CEP41: variants seen among roughly 807,000 people sequenced by gnomAD.
The protein encoded by CEP41 is centrosomal protein of 41 kDa.
Under a neutral mutation model 44.3 loss-of-function variants are expected in CEP41, and 32 were observed. The ratio of observed to expected loss-of-function variants is 0.72; its 90% CI spans 0.54 to 0.97. CEP41 has a LOEUF of 0.97. Among genes scored for constraint, CEP41 ranks in the 50% least tolerant of loss-of-function variants. The pLI is 0.00. For synonymous variants in CEP41, 151 were observed against 168.5 expected (o/e 0.90, Z 0.80); for missense variants, 432 against 455.2 (o/e 0.95, Z 0.46).
intron 5 of CEP41, among the ~76,000 whole-genome samples, chr7:130,405,770 G>A (rs561586665): frequency 1.3e-5 from 2 of 152,280 alleles, no homozygotes; most frequent in East Asian, 3.9e-4. Context: ...TCATTGATAT[G>A]ATTTCAGATT....
At position 130,397,995 on chromosome 7, in the gene CEP41, C is replaced by A. The variant is rs1554415555; in HGVS notation, c.*896G>T. 1 of 454,430 alleles carries A rather than the reference C, an allele frequency of 2.2e-6. No homozygotes were observed. Among genetic ancestry groups the A allele is most frequent in the Admixed American group, 2.3e-5 (1 of 42,578 alleles). The allele number at this position is 454,430 out of a possible 1,614,324, so 28.1% of individuals were successfully genotyped here. On this transcript the variant is annotated 3_prime_UTR_variant, in exon 11 of 11. Transcript: ENST00000223208. ...TCGGAGTCCTCTTCACCTTGTGTGT[C>A]CACAGTTGTCCAACCAAAGCTGGTA...
At chr7:130,440,547 G>T (rs1256102098) in intron 1 of CEP41, 9 of 423,826 alleles carry the variant, frequency 2.1e-5, no homozygotes, top group African/African-American at 1.6e-4. Context: ...TGCTCTTCCT[G>T]TATCCCCACA....
chr7:130,416,481 C>T (rs191678264), intron 3 of CEP41, among the ~76,000 whole-genome samples: 5 of 152,296 alleles, frequency 3.3e-5, no homozygotes, highest in Admixed American at 2.0e-4. Flanking sequence ...TAAGTTCTCA[C>T]GTCCCTGTCT....
upstream of CEP41, among the ~76,000 whole-genome samples, chr7:130,441,643 ATACT>A (rs560458692): frequency 3.9e-5 from 6 of 152,366 alleles, no homozygotes; most frequent in East Asian, 1.9e-4. Context: ...CATTTAACAA[ATACT>A]TAATAAGCAC....
chr7:130,421,904 C>T lies in CEP41; in HGVS notation c.98-4938G>A, dbSNP rs550462780. ...TGCTTGAGAATATACAAGAACCCTG[C>T]GGTGGTGACTGAACAAAACGCAGCC... is the stretch of plus-strand genomic sequence containing the variant. On this transcript the variant is annotated intron_variant, in intron 2 of 10. Transcript: ENST00000223208. 2.1e-4 allele frequency: 328 copies of T among 1,531,378 alleles called. 2 individuals are homozygous for T. In the East Asian group the frequency reaches 7.7e-3, roughly 36 times the overall value. The allele number at this position is 1,531,378 out of a possible 1,614,324, so 94.9% of individuals were successfully genotyped here.
intron 2 of CEP41, 50 bp downstream of exon 2, chr7:130,427,905 T>C (rs782260213): frequency 7.9e-7 from 1 of 1,265,008 alleles, no homozygotes; most frequent in African/African-American, 1.5e-5. Context: ...TTTCTGTCAA[T>C]AATTAGCTAT....
chr7:130,430,154 G>A (rs535391695), intron 1 of CEP41, among the ~76,000 whole-genome samples: 1 of 152,264 alleles, frequency 6.6e-6, no homozygotes, highest in African/African-American at 2.4e-5. Flanking sequence ...GTTGGCCAGA[G>A]TTTTGGATTT....
intron 2 of CEP41, chr7:130,421,242 A>G: frequency 1.0e-6 from 1 of 985,442 alleles, no homozygotes; most frequent in Non-Finnish European, 1.2e-6. Context: ...GCCAATAAGA[A>G]AAGCAAGTGA....
intron 1 of CEP41, among the ~76,000 whole-genome samples, chr7:130,434,600 G>A (rs1797909338): frequency 6.6e-6 from 1 of 152,138 alleles, no homozygotes; most frequent in Non-Finnish European, 1.5e-5. Flanking sequence ...TCACATGCTA[G>A]ATTACTATAC....
intron 5 of CEP41, chr7:130,410,769 A>G: frequency 2.9e-6 from 1 of 347,292 alleles, no homozygotes; most frequent in Non-Finnish European, 5.4e-6. Flanking sequence ...CACACATGTG[A>G]CTGTCAATTT....
chr7:130,435,876 C>T (rs1797946013), intron 1 of CEP41, among the ~76,000 whole-genome samples: 2 of 152,112 alleles, frequency 1.3e-5, no homozygotes, highest in Non-Finnish European at 2.9e-5. Flanking sequence ...CTGTACAGGC[C>T]AGGCACAGTA....
chr7:130,416,355 A>G (rs1554420878), intron 3 of CEP41, among the ~76,000 whole-genome samples: 1 of 152,250 alleles, frequency 6.6e-6, no homozygotes, highest in South Asian at 2.1e-4. Context: ...TGCAAGGGCA[A>G]TGCACTCAAT....
rs1797923054 is a variant in CEP41 at position 130,435,048 on chromosome 7, G to C, written c.33+5886C>G. On this transcript the variant is annotated intron_variant, in intron 1 of 10. Transcript: ENST00000223208. ...TTTTTCTGACATGGAAAGATCTCCAGGATATATTGTTAAGTGAAAAAAATC... is the reference window on the plus strand; with the variant it reads ...TTTTTCTGACATGGAAAGATCTCCACGATATATTGTTAAGTGAAAAAAATC... Among the ~76,000 whole-genome samples, 5 of 152,128 alleles carry C rather than the reference G, an allele frequency of 3.3e-5. No individual in the cohort carries two copies. The South Asian group carries it at 1.0e-3, about 32-fold the overall frequency.
intron 1 of CEP41, among the ~76,000 whole-genome samples, chr7:130,437,671 G>C (rs1798007541): frequency 6.7e-6 from 1 of 148,394 alleles, no homozygotes; most frequent in Non-Finnish European, 1.5e-5. Flanking sequence ...TACTCAGGAA[G>C]TGGGAGAATC....
chr7:130,398,883 C>T lies in CEP41; in HGVS notation c.*8G>A, dbSNP rs372896110. On this transcript the variant is annotated 3_prime_UTR_variant, in exon 11 of 11. Coordinates refer to ENST00000223208, the MANE Select transcript of CEP41 (RefSeq NM_018718.3). Reference sequence around the variant, plus strand: ...AGAACATTTATTTGCCTAAGTGAGACAAAGTCTTTACTTCCAGGGTTTGCC... The same window carrying T: ...AGAACATTTATTTGCCTAAGTGAGATAAAGTCTTTACTTCCAGGGTTTGCC... 2 of 1,614,092 alleles carry T rather than the reference C, an allele frequency of 1.2e-6. No individual in the cohort carries two copies. The highest frequency in any genetic ancestry group is 1.3e-5 in the African/African-American group (1 of 74,942).
At position 130,402,762 on chromosome 7, in the gene CEP41, C is replaced by A. The variant is rs1554417303; in HGVS notation, c.460G>T (p.Gly154Trp). The change falls in exon 7 of 11, where the codon GGG becomes TGG. Residue 154 changes from glycine (G) to tryptophan (W), a missense_variant. Physicochemically the swap from Gly to Trp is radical, Grantham distance 184 (BLOSUM62 -2). Coordinates refer to ENST00000223208, the MANE Select transcript of CEP41 (RefSeq NM_018718.3). ...SGVGELDLDK[G>W]PVKKAEPHTK... is the part of the protein sequence containing the mutation. ...TGGGGCTCTGCTTTCTTCACTGGCC[C>A]TTTGTCTAGATCCAGTTCCCCAACA... is the stretch of plus-strand genomic sequence containing the variant. 1 of 1,614,152 alleles carries A rather than the reference C, an allele frequency of 6.2e-7. No homozygotes were observed. The highest frequency in any genetic ancestry group is 1.1e-5 in the South Asian group (1 of 91,076).
intron 1 of CEP41, among the ~76,000 whole-genome samples, chr7:130,435,482 C>T (rs117104345): frequency 0.015 from 2,340 of 152,222 alleles, 25 homozygotes; most frequent in Non-Finnish European, 0.022. Context: ...CAGATAAGCA[C>T]ATGAAAAGAT....
intron 1 of CEP41, among the ~76,000 whole-genome samples, chr7:130,428,914 A>AAAAAAAATAAAT (rs1554424415): frequency 3.0e-4 from 45 of 150,650 alleles, no homozygotes; most frequent in African/African-American, 1.1e-3. Flanking sequence ...CTGTCTCAAA[A>AAAAAAAATAAAT]AAATAAATAA....
chr7:130,429,962 T>C, intron 1 of CEP41, among the ~76,000 whole-genome samples: 1 of 152,248 alleles, frequency 6.6e-6, no homozygotes, highest in East Asian at 1.9e-4. Flanking sequence ...AGCAACTATC[T>C]GGTTCCTCAG....
Sources: allele counts gnomAD v4.1 joint callset (sites outside exome capture counted in the v4.1 genomes callset), GRCh38; gene constraint gnomAD v4.1.1; transcripts MANE v1.5; gene names NCBI Gene and HGNC (gene_info 2026-07-23, HGNC 2026-07-21).